BANK1: variants seen among roughly 807,000 people sequenced by gnomAD.
BANK1 encodes B-cell scaffold protein with ankyrin repeats.
In BANK1, 95 loss-of-function variants were observed where a neutral mutation model predicts 94.5. The ratio of observed to expected loss-of-function variants is 1.00; its 90% confidence interval spans 0.85 to 1.19. The LOEUF (loss-of-function observed/expected upper bound fraction) is 1.19. Among genes scored for constraint, BANK1 ranks in the 50% most tolerant of loss-of-function variants. The probability of loss-of-function intolerance (pLI) is 0.00; values close to 1 mark genes in which losing one functional copy is unlikely to be tolerated. For synonymous variants in BANK1, 334 were observed against 308.4 expected, an observed-to-expected ratio of 1.08 and a Z score of -0.87; for missense variants, 987 against 932.2, an observed-to-expected ratio of 1.06 and a Z score of -0.77.
chr4:101,823,797 T>A (rs571733737), intron 1 of BANK1, among the ~76,000 whole-genome samples: 67 of 152,356 alleles, frequency 4.4e-4, no homozygotes, highest in Non-Finnish European at 9.3e-4. Flanking sequence ...AAATTTTTGC[T>A]GGTTGTTCTT....
chr4:101,910,113 G>A (rs910208227), intron 6 of BANK1, among the ~76,000 whole-genome samples: 4 of 152,088 alleles, frequency 2.6e-5, no homozygotes, highest in African/African-American at 9.7e-5. Context: ...TCAAACTTTA[G>A]CAGGCTTCAG....
chr4:101,995,960 A>G (rs1238153587), intron 7 of BANK1, among the ~76,000 whole-genome samples: 1 of 151,972 alleles, frequency 6.6e-6, no homozygotes, highest in African/African-American at 2.4e-5. Context: ...ATTAGATCCC[A>G]TTTGTCACTT....
chr4:101,900,963 G>T (rs1722264151), intron 6 of BANK1, among the ~76,000 whole-genome samples: 1 of 151,990 alleles, frequency 6.6e-6, no homozygotes, highest in South Asian at 2.1e-4. Flanking sequence ...AGACTGAGAA[G>T]AAGCAGCCAC....
At chr4:102,002,544 TACACACACACAC>T (rs10559889) in intron 7 of BANK1, among the ~76,000 whole-genome samples, 108 of 148,136 alleles carry the variant, frequency 7.3e-4, no homozygotes, top group African/African-American at 1.7e-3. Flanking sequence ...TTAATACAAA[TACACACACACAC>T]ACACACACAC....
chr4:101,833,946 T>G (rs1726723027), intron 2 of BANK1, among the ~76,000 whole-genome samples: 1 of 152,182 alleles, frequency 6.6e-6, no homozygotes, highest in African/African-American at 2.4e-5. Flanking sequence ...ATAGGAAAAT[T>G]ATTTTTTTAA....
At chr4:102,041,098 G>C (rs527946645) in intron 10 of BANK1, among the ~76,000 whole-genome samples, 40 of 152,112 alleles carry the variant, frequency 2.6e-4, no homozygotes, top group African/African-American at 8.4e-4. Flanking sequence ...ATATAAATCT[G>C]AGTGACCTAT....
In BANK1 at chr4:102,060,058, G is replaced by C. The variant is rs149017619; in HGVS notation, c.1970-153G>C. On this transcript the variant is annotated intron_variant, in intron 11 of 16. Transcript: ENST00000322953. Reference sequence around the variant, plus strand: ...TAGTTTCCAGGCACCTCCATCCTTAGAAAGAAACTCATTAAAAGTGTGCTG... The same window carrying C: ...TAGTTTCCAGGCACCTCCATCCTTACAAAGAAACTCATTAAAAGTGTGCTG... Among the ~76,000 whole-genome samples the C allele has an allele frequency of 1.3e-3, 193 of 152,076 alleles. 1 individual carries two copies. Among genetic ancestry groups the C allele is most frequent in the African/African-American group, 4.3e-3 (179 of 41,492 alleles).
intron 1 of BANK1, among the ~76,000 whole-genome samples, chr4:101,828,894 A>C (rs777021563): frequency 6.6e-6 from 1 of 151,194 alleles, no homozygotes. Flanking sequence ...ACAGAGTCTC[A>C]CTCTGTTGCC....
chr4:101,868,211 G>T (rs2148879972), intron 4 of BANK1, among the ~76,000 whole-genome samples: 1 of 151,980 alleles, frequency 6.6e-6, no homozygotes, highest in South Asian at 2.1e-4. Context: ...AATACAAGAA[G>T]AATGAGAAAA....
intron 5 of BANK1, among the ~76,000 whole-genome samples, chr4:101,879,516 C>G (rs894788994): frequency 1.3e-5 from 2 of 151,932 alleles, no homozygotes; most frequent in African/African-American, 4.8e-5. Context: ...ATAGCAAATA[C>G]TTAAAGAAGG....
intron 6 of BANK1, among the ~76,000 whole-genome samples, chr4:101,904,304 A>G: frequency 6.6e-6 from 1 of 152,218 alleles, no homozygotes; most frequent in East Asian, 1.9e-4. Context: ...GTCAGTTAAC[A>G]TTCTCCATTT....
At chr4:101,933,026 T>TA (rs1723409780) in intron 7 of BANK1, among the ~76,000 whole-genome samples, 1 of 151,538 alleles carries the variant, frequency 6.6e-6, no homozygotes, top group South Asian at 2.1e-4. Flanking sequence ...CCGGAAAATG[T>TA]ACACTGAAAA....
At chr4:102,002,474 A>G (rs1726109742) in intron 7 of BANK1, among the ~76,000 whole-genome samples, 1 of 152,036 alleles carries the variant, frequency 6.6e-6, no homozygotes, top group Admixed American at 6.6e-5. Context: ...GCACTCCAAA[A>G]TATTAGTAAT....
intron 1 of BANK1, among the ~76,000 whole-genome samples, chr4:101,815,807 T>A (rs1725892855): frequency 6.6e-6 from 1 of 152,078 alleles, no homozygotes; most frequent in African/African-American, 2.4e-5. Flanking sequence ...TAGTCAAGAA[T>A]ATTAAGGTAT....
intron 7 of BANK1, among the ~76,000 whole-genome samples, chr4:101,995,393 C>T (rs184526870): frequency 6.6e-6 from 1 of 152,272 alleles, no homozygotes; most frequent in African/African-American, 2.4e-5. Context: ...ATAAATAGTG[C>T]TGCAATAAAC....
At chr4:101,911,844 G>A (rs1722674585) in intron 6 of BANK1, among the ~76,000 whole-genome samples, 1 of 152,106 alleles carries the variant, frequency 6.6e-6, no homozygotes, top group Non-Finnish European at 1.5e-5. Flanking sequence ...CAAGTACCAA[G>A]GCACATATGT....
At chr4:101,825,937 C>T (rs1726348767) in intron 1 of BANK1, among the ~76,000 whole-genome samples, 1 of 151,982 alleles carries the variant, frequency 6.6e-6, no homozygotes, top group African/African-American at 2.4e-5. Flanking sequence ...TTATGATTGT[C>T]TCTATTTTTG....
At position 102,057,084 on chromosome 4, in the gene BANK1, G is replaced by A. The variant is rs1343525853; in HGVS notation, c.1970-3127G>A. Among the ~76,000 whole-genome samples the A allele has an allele frequency of 2.0e-5, 3 of 152,278 alleles. No individual in the cohort carries two copies. In the East Asian group the frequency reaches 5.8e-4, roughly 29 times the overall value. On this transcript the variant is annotated intron_variant, in intron 11 of 16. Coordinates refer to ENST00000322953, the MANE Select transcript of BANK1 (RefSeq NM_017935.5). ...TATGCAACCCTAAAGTTAAGGGGAT[G>A]CAGAGGCCTTACTTGGAACTTACAA...
intron 5 of BANK1, among the ~76,000 whole-genome samples, chr4:101,880,485 A>G (rs1465753295): frequency 6.6e-6 from 1 of 152,114 alleles, no homozygotes; most frequent in Non-Finnish European, 1.5e-5. Flanking sequence ...AACCTATGTT[A>G]GTATGTCCAT....
Sources: allele counts gnomAD v4.1 joint callset (sites outside exome capture counted in the v4.1 genomes callset), GRCh38; gene constraint gnomAD v4.1.1; transcripts MANE v1.5; gene names NCBI Gene and HGNC (gene_info 2026-07-23, HGNC 2026-07-21).